IQGAP2: variants seen among roughly 807,000 people sequenced by gnomAD.
IQGAP2 encodes the protein IQ motif containing GTPase activating protein 2, also known as ras GTPase-activating-like protein IQGAP2.
A neutral mutation model predicts 201.3 loss-of-function variants in IQGAP2; 173 were observed. That is an observed-to-expected ratio of 0.86 (90% CI 0.76 to 0.98). The LOEUF is 0.98. Among genes scored for constraint, IQGAP2 ranks in the 50% least tolerant of loss-of-function variants. The pLI, the probability that IQGAP2 is intolerant of heterozygous loss-of-function variation, is 0.00. For missense variants in IQGAP2, 1,687 were observed against 1,864.8 expected (o/e 0.90, Z 1.76); for synonymous variants, 675 against 673.9 (o/e 1.00, Z -0.03).
chr5:76,568,741 G>A (rs201035278), intron 3 of IQGAP2, among the ~76,000 whole-genome samples: 2 of 152,170 alleles, frequency 1.3e-5, no homozygotes, highest in Non-Finnish European at 2.9e-5. Flanking sequence ...TTTCTTTTGG[G>A]TGTCATCAGA....
At chr5:76,641,235 C>T (rs1005861118) in intron 17 of IQGAP2, 132 bp downstream of exon 17, 13 of 629,118 alleles carry the variant, frequency 2.1e-5, no homozygotes, top group Non-Finnish European at 3.2e-5. Context: ...ATAATCAGTG[C>T]CCCTAGTCTA....
intron 2 of IQGAP2, among the ~76,000 whole-genome samples, chr5:76,472,230 C>G (rs898987202): frequency 6.6e-6 from 1 of 152,208 alleles, no homozygotes; most frequent in East Asian, 1.9e-4. Context: ...GAGAGAGTAA[C>G]TTGTGAGGAG....
At chr5:76,677,071 C>T (rs1744882817) in intron 27 of IQGAP2, 147 bp from the exon 28 acceptor site, 6 of 702,006 alleles carry the variant, frequency 8.5e-6, no homozygotes, top group Non-Finnish European at 1.4e-5. Flanking sequence ...AGCCAGGAGC[C>T]AGCCTGGAAG....
rs931411677 is a variant in IQGAP2 at position 76,700,951 on chromosome 5, G to T, written c.4368-125G>T. ...TTACCTACTATCACAAAATAAAAAA[G>T]TGTATATTCAGCGCTCTGAGGGCCA... On this transcript the variant is annotated intron_variant, in intron 33 of 35. Coordinates refer to ENST00000274364, the MANE Select transcript of IQGAP2 (RefSeq NM_006633.5). 3.4e-6 allele frequency: 3 copies of T among 877,690 alleles called. No individual in the cohort carries two copies. In the East Asian group the frequency reaches 8.1e-5, roughly 24 times the overall value. The allele number at this position is 877,690 out of a possible 1,614,324, so 54.4% of individuals were successfully genotyped here. A position where few individuals can be genotyped will look rare whatever the true frequency, so the allele number is the denominator to read the frequency against.
At chr5:76,580,191 G>A (rs577627291) in intron 5 of IQGAP2, among the ~76,000 whole-genome samples, 295 of 152,112 alleles carry the variant, frequency 1.9e-3, no homozygotes, top group Middle Eastern at 3.4e-3. Context: ...CAGGAGAATC[G>A]CTTGAACCTG....
chr5:76,541,379 A>C (rs772574466), intron 2 of IQGAP2, among the ~76,000 whole-genome samples: 19 of 152,222 alleles, frequency 1.2e-4, no homozygotes, highest in Non-Finnish European at 2.4e-4. Flanking sequence ...TTTCGTGGCC[A>C]AATAACTTTG....
At chr5:76,505,838 G>A (rs1334245119) in intron 2 of IQGAP2, among the ~76,000 whole-genome samples, 4 of 152,218 alleles carry the variant, frequency 2.6e-5, no homozygotes, top group East Asian at 1.9e-4. Context: ...TAGGCACTAC[G>A]CTGGTTGCCC....
intron 13 of IQGAP2, among the ~76,000 whole-genome samples, chr5:76,611,865 C>T (rs1748439779): frequency 6.6e-6 from 1 of 152,090 alleles, no homozygotes; most frequent in South Asian, 2.1e-4. Context: ...TGATCTGTCA[C>T]CTAAGAGTGG....
intron 30 of IQGAP2, among the ~76,000 whole-genome samples, chr5:76,686,620 C>CT (rs1257702774): frequency 1.3e-5 from 2 of 152,128 alleles, no homozygotes; most frequent in African/African-American, 4.8e-5. Flanking sequence ...TGCCATTCTC[C>CT]TGCCTCAGCC....
intron 1 of IQGAP2, among the ~76,000 whole-genome samples, chr5:76,445,909 C>T (rs1028491214): frequency 6.6e-6 from 1 of 152,220 alleles, no homozygotes; most frequent in Admixed American, 6.5e-5. Flanking sequence ...TTTGACTACT[C>T]TTGGTACCTC....
At chr5:76,624,734 G>A (rs540360952) in intron 13 of IQGAP2, among the ~76,000 whole-genome samples, 26 of 152,152 alleles carry the variant, frequency 1.7e-4, no homozygotes, top group Non-Finnish European at 2.6e-4. Context: ...AGGTGTGGCC[G>A]TCCCATAAAT....
At chr5:76,493,205 A>C (rs2150157715) in intron 2 of IQGAP2, among the ~76,000 whole-genome samples, 1 of 151,442 alleles carries the variant, frequency 6.6e-6, no homozygotes, top group Non-Finnish European at 1.5e-5. Context: ...TCTCTTCCCC[A>C]CACTCACGGT....
chr5:76,606,610 T>C (rs1747825893), intron 12 of IQGAP2: 1 of 175,776 alleles, frequency 5.7e-6, no homozygotes, highest in Admixed American at 6.3e-5. Flanking sequence ...AACTCATATT[T>C]TTAAGCACCC....
At chr5:76,485,845 T>C (rs1756099176) in intron 2 of IQGAP2, among the ~76,000 whole-genome samples, 1 of 152,226 alleles carries the variant, frequency 6.6e-6, no homozygotes, top group Non-Finnish European at 1.5e-5. Flanking sequence ...GGGTGACCTT[T>C]TCCAATTGTA....
At chr5:76,617,979 G>A in intron 13 of IQGAP2, 1 of 1,614,182 alleles carries the variant, frequency 6.2e-7, no homozygotes, top group South Asian at 1.1e-5. Context: ...ATGGCAGGTG[G>A]TGATGTCTGG....
At chr5:76,695,896 A>C (rs1244365492) in intron 32 of IQGAP2, among the ~76,000 whole-genome samples, 3 of 127,390 alleles carry the variant, frequency 2.4e-5, no homozygotes, top group African/African-American at 3.1e-5. Flanking sequence ...GCTGGAGTGC[A>C]GTGGCACAAT....
intron 32 of IQGAP2, among the ~76,000 whole-genome samples, chr5:76,696,354 A>G (rs1746744733): frequency 1.3e-5 from 2 of 152,208 alleles, no homozygotes; most frequent in African/African-American, 2.4e-5. Flanking sequence ...GCCTAAATGC[A>G]GTTCAGACTT....
At chr5:76,527,244 G>GT (rs1394238454) in intron 2 of IQGAP2, among the ~76,000 whole-genome samples, 2 of 152,242 alleles carry the variant, frequency 1.3e-5, no homozygotes, top group African/African-American at 4.8e-5. Flanking sequence ...GAAGGAAGCT[G>GT]TTAAGGGGAA....
intron 13 of IQGAP2, among the ~76,000 whole-genome samples, chr5:76,619,886 T>C (rs1749465047): frequency 6.6e-6 from 1 of 152,012 alleles, no homozygotes; most frequent in Non-Finnish European, 1.5e-5. Flanking sequence ...TAACAGTCCA[T>C]ATAAGGGGAA....
Sources: allele counts gnomAD v4.1 joint callset (sites outside exome capture counted in the v4.1 genomes callset), GRCh38; gene constraint gnomAD v4.1.1; transcripts MANE v1.5; gene names NCBI Gene and HGNC (gene_info 2026-07-23, HGNC 2026-07-21).